Variants in RPS6KC1 observed in about 807,000 individuals in gnomAD.
RPS6KC1 encodes the protein inactive ribosomal protein S6 kinase delta-1.
In RPS6KC1, 54 loss-of-function variants were observed where a neutral mutation model predicts 103.8. The observed-to-expected ratio is 0.52, with a 90% confidence interval of 0.42 to 0.65. RPS6KC1 has a LOEUF of 0.65. RPS6KC1 is among the 30% of genes least tolerant of loss of function. The pLI is 0.00. For synonymous variants in RPS6KC1, 439 were observed against 438.7 expected (o/e 1.00, Z -0.01); for missense variants, 1,151 against 1,253.8 (o/e 0.92, Z 1.24).
chr1:213,436,092 A>G, the RPS6KC1 span, among the ~76,000 whole-genome samples: 3 of 152,132 alleles, frequency 2.0e-5, no homozygotes, highest in Admixed American at 1.3e-4. Context: ...ATTGCTTTGT[A>G]GTTTTGTCCT....
At chr1:213,199,723 A>G (rs558071865) in intron 8 of RPS6KC1, among the ~76,000 whole-genome samples, 32 of 152,234 alleles carry the variant, frequency 2.1e-4, no homozygotes, top group Non-Finnish European at 3.5e-4. Context: ...GCACAGTGCT[A>G]TATCTAGAAA....
At chr1:213,815,687 T>G in the RPS6KC1 span, among the ~76,000 whole-genome samples, 2 of 152,232 alleles carry the variant, frequency 1.3e-5, no homozygotes, top group Non-Finnish European at 2.9e-5. Flanking sequence ...GCTGGTTTGA[T>G]CTTTTATTCA....
At chr1:213,599,562 T>C in the RPS6KC1 span, among the ~76,000 whole-genome samples, 10 of 152,254 alleles carry the variant, frequency 6.6e-5, no homozygotes, top group African/African-American at 2.4e-4. Context: ...AATTTTGTGT[T>C]GCTTTGGCTG....
At chr1:213,056,477 G>T (rs543026273) in intron 1 of RPS6KC1, among the ~76,000 whole-genome samples, 1 of 152,152 alleles carries the variant, frequency 6.6e-6, no homozygotes, top group Non-Finnish European at 1.5e-5. Context: ...CCCCACAAGG[G>T]CATTACTATA....
At chr1:213,443,478 A>C in the RPS6KC1 span, among the ~76,000 whole-genome samples, 1 of 152,116 alleles carries the variant, frequency 6.6e-6, no homozygotes, top group South Asian at 2.1e-4. Flanking sequence ...ATTTCTGTAC[A>C]TTTTAGCCAG....
At chr1:213,815,600 G>A in the RPS6KC1 span, among the ~76,000 whole-genome samples, 1 of 152,298 alleles carries the variant, frequency 6.6e-6, no homozygotes, top group Non-Finnish European at 1.5e-5. Flanking sequence ...CCAGATCACT[G>A]CAATAAAGCA....
chr1:213,216,262 A>T (rs1165167221), intron 8 of RPS6KC1, among the ~76,000 whole-genome samples: 2 of 152,220 alleles, frequency 1.3e-5, no homozygotes, highest in African/African-American at 4.8e-5. Flanking sequence ...TAACCAACAA[A>T]GATCAAAAGA....
At chr1:213,152,207 GGGGCGGCTGGCC>G (rs1245214470) in intron 6 of RPS6KC1, among the ~76,000 whole-genome samples, 1 of 143,030 alleles carries the variant, frequency 7.0e-6, no homozygotes, top group Non-Finnish European at 1.5e-5. Flanking sequence ...CCTCCTGGAC[GGGGCGGCTGGCC>G]GGGCGGGGGG....
the RPS6KC1 span, among the ~76,000 whole-genome samples, chr1:213,451,973 A>T: frequency 6.6e-6 from 1 of 152,252 alleles, no homozygotes. Context: ...AAGTCTCTTT[A>T]AAAACACTGG....
chr1:213,301,585 G>C, the RPS6KC1 span, among the ~76,000 whole-genome samples: 1 of 152,082 alleles, frequency 6.6e-6, no homozygotes, highest in African/African-American at 2.4e-5. Flanking sequence ...TGTAGTCCCA[G>C]CTACTCTGGA....
At chr1:213,794,935 A>G in the RPS6KC1 span, among the ~76,000 whole-genome samples, 1 of 152,184 alleles carries the variant, frequency 6.6e-6, no homozygotes, top group East Asian at 1.9e-4. Context: ...TAGATCATAA[A>G]TGCACGTCTA....
chr1:213,737,760 A>G, the RPS6KC1 span, among the ~76,000 whole-genome samples: 1 of 152,196 alleles, frequency 6.6e-6, no homozygotes, highest in Non-Finnish European at 1.5e-5. Context: ...CTATAAACCA[A>G]TCAAATGGAG....
At chr1:213,527,802 A>G in the RPS6KC1 span, among the ~76,000 whole-genome samples, 2 of 152,242 alleles carry the variant, frequency 1.3e-5, no homozygotes, top group African/African-American at 4.8e-5. Context: ...AAACTTAATT[A>G]GTAATAGCCT....
intron 1 of RPS6KC1, among the ~76,000 whole-genome samples, chr1:213,066,776 G>A (rs2078368209): frequency 6.6e-6 from 1 of 152,230 alleles, no homozygotes; most frequent in Non-Finnish European, 1.5e-5. Context: ...GGAAGCAATT[G>A]TGATGGATGA....
At chr1:213,118,911 G>C (rs2084022119) in intron 5 of RPS6KC1, among the ~76,000 whole-genome samples, 1 of 151,744 alleles carries the variant, frequency 6.6e-6, no homozygotes, top group Admixed American at 6.6e-5. Flanking sequence ...GGGCGGTGGT[G>C]GTAAAATATC....
chr1:213,731,240 G>T, the RPS6KC1 span, among the ~76,000 whole-genome samples: 1 of 151,962 alleles, frequency 6.6e-6, no homozygotes, highest in Non-Finnish European at 1.5e-5. Context: ...AGCTCTTTTT[G>T]GTTCCATATG....
chr1:213,052,138 G>C (rs978004733), intron 1 of RPS6KC1, among the ~76,000 whole-genome samples: 1 of 152,138 alleles, frequency 6.6e-6, no homozygotes, highest in Non-Finnish European at 1.5e-5. Flanking sequence ...CAACTAACTG[G>C]TCCAATTTTT....
Position 213,241,464 on chromosome 1 carries a change from G to A in RPS6KC1, c.1988G>A (p.Gly663Asp), listed in dbSNP as rs1435510864. The A allele has an allele frequency of 1.2e-6, 2 of 1,613,818 alleles. No homozygotes were observed. The highest frequency in any genetic ancestry group is 1.7e-6 in the Non-Finnish European group (2 of 1,179,946). Residue 663 changes from glycine to aspartate, a missense_variant, in exon 11 of 15, where the codon GGC becomes GAC. By Grantham distance (94) the Gly-to-Asp change is moderately conservative. Around this residue, in one of 3 missense-constraint regions of RPS6KC1, gnomAD observed 959 missense variants for 1,006.3 expected, o/e 0.95. Coordinates refer to ENST00000366960, the MANE Select transcript of RPS6KC1 (RefSeq NM_012424.6). ...AAAGCTCAGGACACCATTAGCAGGG[G>A]CTCAGATGACTCAGTGCCAGTTATT... is the stretch of plus-strand genomic sequence containing the variant. Reference protein sequence around the residue: ...EFKAQDTISRGSDDSVPVISF... With the variant: ...EFKAQDTISRDSDDSVPVISF...
chr1:213,690,227 G>T, the RPS6KC1 span, among the ~76,000 whole-genome samples: 2 of 152,054 alleles, frequency 1.3e-5, no homozygotes, highest in Non-Finnish European at 2.9e-5. Flanking sequence ...CTTCTCTTTT[G>T]TTCCTTCCCA....
Sources: gnomAD v4.1 joint callset for allele counts (sites outside exome capture counted in the v4.1 genomes callset) on GRCh38, gnomAD v4.1.1 for gene constraint, gnomAD v4.1.1 regional missense constraint, MANE v1.5 for transcripts, NCBI Gene and HGNC (gene_info 2026-07-23, HGNC 2026-07-21) for gene names.